CSMD2: variants seen among roughly 807,000 people sequenced by gnomAD.
CSMD2 encodes CUB and Sushi multiple domains 2.
Under a neutral mutation model 398.5 loss-of-function variants are expected in CSMD2, and 130 were observed. The observed-to-expected ratio is 0.33, with a 90% CI of 0.28 to 0.38. The LOEUF (loss-of-function observed/expected upper bound fraction) is 0.38. Ranked by LOEUF, CSMD2 falls within the 10% of genes least tolerant of loss-of-function variation. The pLI is 1.00. For missense variants in CSMD2, 3,829 were observed against 4,764.9 expected, an observed-to-expected ratio of 0.80 and a Z score of 5.78; for synonymous variants, 1,828 against 1,908.5, an observed-to-expected ratio of 0.96 and a Z score of 1.10.
In CSMD2 at chr1:33,537,632, G is replaced by A; in HGVS notation, c.9632-23C>T. 1.3e-6 allele frequency: 2 copies of A among 1,598,002 alleles called. No homozygotes were observed. Among genetic ancestry groups the A allele is most frequent in the Non-Finnish European group, 1.7e-6 (2 of 1,170,940 alleles). ...CAGCTGGGAAGACGAAGGGAGAAAGGCAGGTCTAAGTTGCTTTCCAGAACC... is the reference window on the plus strand; with the variant it reads ...CAGCTGGGAAGACGAAGGGAGAAAGACAGGTCTAAGTTGCTTTCCAGAACC... On this transcript the variant is annotated intron_variant, in intron 60 of 70. Transcript: ENST00000373381. This position sits in a 1 kb window ranked among gnomAD's most constrained non-coding sequence, Gnocchi z 4.6.
chr1:33,990,054 T>C (rs1358088272), intron 3 of CSMD2, among the ~76,000 whole-genome samples: 2 of 152,084 alleles, frequency 1.3e-5, no homozygotes, highest in Non-Finnish European at 2.9e-5. Context: ...GCAGATCACC[T>C]GAGGTCCGGC....
intron 1 of CSMD2, among the ~76,000 whole-genome samples, chr1:34,099,325 G>T (rs1458168328): frequency 6.6e-6 from 1 of 152,196 alleles, no homozygotes; most frequent in African/African-American, 2.4e-5. Flanking sequence ...CTAGAAACAA[G>T]TAAATCAAAA....
chr1:33,686,854 T>A (rs1645077279), intron 25 of CSMD2, among the ~76,000 whole-genome samples: 1 of 152,160 alleles, frequency 6.6e-6, no homozygotes, highest in Non-Finnish European at 1.5e-5. Flanking sequence ...CCACCTGAGA[T>A]CCTTTAGGGG....
intron 3 of CSMD2, among the ~76,000 whole-genome samples, chr1:33,979,560 C>T (rs976707860): frequency 3.3e-5 from 5 of 152,212 alleles, no homozygotes; most frequent in Admixed American, 1.3e-4. Flanking sequence ...ATTTGAGAAA[C>T]AGACTGGTAA....
intron 9 of CSMD2, among the ~76,000 whole-genome samples, chr1:33,811,434 G>A (rs985405923): frequency 6.6e-6 from 1 of 152,098 alleles, no homozygotes; most frequent in African/African-American, 2.4e-5. Flanking sequence ...GGATATCCTT[G>A]TCAAGGCCAC....
intron 4 of CSMD2, 34 bp downstream of exon 4, chr1:33,935,726 C>T: frequency 6.4e-7 from 1 of 1,563,470 alleles, no homozygotes; most frequent in Non-Finnish European, 8.7e-7. Context: ...CCAGCCACTG[C>T]CCCACTCTGT....
intron 25 of CSMD2, among the ~76,000 whole-genome samples, chr1:33,685,587 C>A (rs1215094457): frequency 6.6e-6 from 1 of 152,172 alleles, no homozygotes; most frequent in East Asian, 1.9e-4. Context: ...TCCTCCTTAC[C>A]CACACAGCCT....
chr1:33,809,743 A>AT (rs35790331), intron 10 of CSMD2, among the ~76,000 whole-genome samples: 84,273 of 151,708 alleles, frequency 0.56, 23,399 homozygotes, highest in East Asian at 0.69. Flanking sequence ...CAACACCATC[A>AT]TTTTTTTGCA....
chr1:33,792,628 G>C, intron 10 of CSMD2, 102 bp from the exon 11 acceptor site: 1 of 759,774 alleles, frequency 1.3e-6, no homozygotes, highest in Admixed American at 1.9e-5. Context: ...CCAATGCTCA[G>C]AGTCACTGGT....
rs530327604 is a variant in CSMD2, at chr1:33,524,818, C to T, written c.10396+64G>A. ...CAGTATGATGCAATGCCATTAGGCT[C>T]ATCCTTGCCAAGGGTGTGTGCCCAT... On this transcript the variant is annotated intron_variant, in intron 66 of 70. Transcript: ENST00000373381. 2.6e-6 allele frequency: 4 copies of T among 1,542,986 alleles called. No individual in the cohort carries two copies. In the Admixed American group the frequency reaches 6.8e-5, roughly 26 times the overall value.
chr1:33,840,151 A>T (rs1352548022), intron 6 of CSMD2: 2 of 152,210 alleles, frequency 1.3e-5, no homozygotes, highest in African/African-American at 4.8e-5. Context: ...TTCCCAGAAT[A>T]GTGCTTTGTC....
At chr1:33,687,107 A>G (rs1176503201) in intron 25 of CSMD2, among the ~76,000 whole-genome samples, 1 of 152,202 alleles carries the variant, frequency 6.6e-6, no homozygotes, top group Admixed American at 6.5e-5. Flanking sequence ...AACACAGCAA[A>G]TAAGAGTTCA....
Position 34,160,994 on chromosome 1 carries a change from G to A in CSMD2, c.187+3917C>T, listed in dbSNP as rs1641275442. On this transcript the variant is annotated intron_variant, in intron 1 of 70. Coordinates refer to ENST00000373381, the MANE Select transcript of CSMD2 (RefSeq NM_001281956.2). Reference sequence around the variant, plus strand: ...TTTAAAAATTAGTTAGTAAGGGAGTGGAAGGCATGATAGCTTTTTCAATGC... The same window carrying A: ...TTTAAAAATTAGTTAGTAAGGGAGTAGAAGGCATGATAGCTTTTTCAATGC... Among the ~76,000 whole-genome samples, 7 of 152,272 alleles carry A rather than the reference G, an allele frequency of 4.6e-5. No individual in the cohort carries two copies. The South Asian group carries it at 1.5e-3, about 32-fold the overall frequency.
At chr1:34,087,459 C>A (rs896018899) in intron 2 of CSMD2, among the ~76,000 whole-genome samples, 1 of 148,584 alleles carries the variant, frequency 6.7e-6, no homozygotes, top group African/African-American at 2.5e-5. Context: ...CATCACACAC[C>A]GGGGCCTGTC....
At chr1:33,523,640 G>A (rs577822488) in intron 66 of CSMD2, among the ~76,000 whole-genome samples, 15 of 152,340 alleles carry the variant, frequency 9.8e-5, no homozygotes, top group African/African-American at 3.6e-4. Flanking sequence ...GCATATGTAT[G>A]TTAATAATTG....
chr1:33,771,700 C>A (rs530588047), intron 13 of CSMD2, among the ~76,000 whole-genome samples: 2 of 152,284 alleles, frequency 1.3e-5, no homozygotes, highest in East Asian at 3.9e-4. Flanking sequence ...GTGTGCAGAA[C>A]TCGAGGCCCC....
intron 3 of CSMD2, among the ~76,000 whole-genome samples, chr1:33,941,561 G>A (rs1644675677): frequency 6.6e-6 from 1 of 152,166 alleles, no homozygotes; most frequent in Non-Finnish European, 1.5e-5. Context: ...TGTGATCTGG[G>A]GGCAGTGGGC....
At chr1:33,899,714 G>A (rs1642625520) in intron 5 of CSMD2, among the ~76,000 whole-genome samples, 1 of 152,224 alleles carries the variant, frequency 6.6e-6, no homozygotes, top group Admixed American at 6.5e-5. Flanking sequence ...AGGTTACAGT[G>A]AGGGTGGTGA....
intron 53 of CSMD2, among the ~76,000 whole-genome samples, chr1:33,560,663 G>T (rs1206365989): frequency 6.6e-6 from 1 of 152,232 alleles, no homozygotes; most frequent in Non-Finnish European, 1.5e-5. Context: ...GGCCAGTACT[G>T]CCAGGTCCCT....
Sources: gnomAD v4.1 joint callset for allele counts (sites outside exome capture counted in the v4.1 genomes callset) on GRCh38, gnomAD v4.1.1 for gene constraint, Gnocchi (gnomAD v3.1) non-coding constraint, MANE v1.5 for transcripts, NCBI Gene and HGNC (gene_info 2026-07-23, HGNC 2026-07-21) for gene names.